The following CLYBL variants were observed in gnomAD, a reference collection of about 807,000 sequenced individuals.
CLYBL encodes citramalyl-CoA lyase, mitochondrial.
Under a neutral mutation model 38.9 loss-of-function variants are expected in CLYBL, and 31 were observed. That is an observed-to-expected ratio of 0.80 (90% confidence interval 0.60 to 1.08). The LOEUF is 1.08. CLYBL is among the 50% of genes least tolerant of loss of function. The pLI is 0.00. For synonymous variants in CLYBL, 171 were observed against 158.6 expected (o/e 1.08, Z -0.59); for missense variants, 434 against 411.6 (o/e 1.05, Z -0.47).
intron 1 of CLYBL, among the ~76,000 whole-genome samples, chr13:99,639,439 C>G (rs557362728): frequency 6.6e-6 from 1 of 152,302 alleles, no homozygotes; most frequent in African/African-American, 2.4e-5. Flanking sequence ...TTGGCCAATT[C>G]CAATCCAAGG....
intron 2 of CLYBL, among the ~76,000 whole-genome samples, chr13:99,845,477 A>C (rs4592516): frequency 0.7 from 106,425 of 152,162 alleles, 37,586 homozygotes; most frequent in East Asian, 0.94. Flanking sequence ...CCAGTGAAGG[A>C]ATGAAGCTGC....
chr13:99,900,669 C>G (rs75378588), downstream of CLYBL, among the ~76,000 whole-genome samples: 400 of 152,320 alleles, frequency 2.6e-3, 2 homozygotes, highest in Middle Eastern at 6.8e-3. Context: ...CAAATTCTCT[C>G]CACTAAACCA....
chr13:99,698,470 G>A (rs921640419), intron 1 of CLYBL, among the ~76,000 whole-genome samples: 5 of 152,086 alleles, frequency 3.3e-5, no homozygotes, highest in African/African-American at 7.2e-5. Context: ...ATGCAAAGTC[G>A]TAGGTTAAAT....
At chr13:99,905,087 G>A (rs1043262225) in intron 8 of CLYBL, among the ~76,000 whole-genome samples, 3 of 152,076 alleles carry the variant, frequency 2.0e-5, no homozygotes, top group African/African-American at 7.2e-5. Flanking sequence ...GCTTCACACT[G>A]GAGGGTCTGG....
intron 1 of CLYBL, among the ~76,000 whole-genome samples, chr13:99,743,810 T>G (rs533381803): frequency 6.6e-6 from 1 of 152,314 alleles, no homozygotes; most frequent in African/African-American, 2.4e-5. Flanking sequence ...TGTAATAAAT[T>G]GTAATTACAA....
At chr13:99,698,335 G>GT (rs5806133) in intron 1 of CLYBL, among the ~76,000 whole-genome samples, 25 of 148,512 alleles carry the variant, frequency 1.7e-4, no homozygotes, top group Admixed American at 2.7e-4. Flanking sequence ...CCTGGCTGCT[G>GT]TTTTTTTTTT....
At chr13:99,606,931 C>T (rs1406587929) in intron 1 of CLYBL, among the ~76,000 whole-genome samples, 174 bp downstream of exon 1, 2 of 152,216 alleles carry the variant, frequency 1.3e-5, no homozygotes, top group Non-Finnish European at 1.5e-5. Context: ...TCGCTGCCGC[C>T]CGCGCCTCCC....
rs114475675 is a variant in CLYBL, at chr13:99,779,153, T to C, written c.249+6143T>C. Among the ~76,000 whole-genome samples, 414 of 152,186 alleles carry C rather than the reference T, an allele frequency of 2.7e-3. 4 individuals carry two copies. The highest frequency in any genetic ancestry group is 9.6e-3 in the African/African-American group (399 of 41,524). On this transcript the variant is annotated intron_variant, in intron 2 of 8. Coordinates refer to ENST00000339105, the MANE Select transcript of CLYBL (RefSeq NM_206808.5). Reference sequence around the variant, plus strand: ...TTCTGAGTGGGGTTTTTTGTTTTTGTTTTTTTGAGAAGGAGTCTCGCTGTT... The same window carrying C: ...TTCTGAGTGGGGTTTTTTGTTTTTGCTTTTTTGAGAAGGAGTCTCGCTGTT...
At chr13:99,675,548 C>A (rs1388573213) in intron 1 of CLYBL, among the ~76,000 whole-genome samples, 2 of 152,194 alleles carry the variant, frequency 1.3e-5, no homozygotes, top group Non-Finnish European at 2.9e-5. Context: ...ACCCTCAGTC[C>A]TAGGCAACCA....
rs564081456 is a variant in CLYBL at position 99,670,021 on chromosome 13, C to T, written c.62+63264C>T. ...CAGCCTGGCCAACATAGTGAAACCC[C>T]GTCTCTATTAAAAAAAAAAAAATGA... is the stretch of plus-strand genomic sequence containing the variant. On this transcript the variant is annotated intron_variant, in intron 1 of 8. Transcript: ENST00000339105. 3.0e-4 allele frequency among the ~76,000 whole-genome samples: 37 copies of T among 122,562 alleles called. 1 individual carries two copies. The South Asian group carries it at 7.9e-3, about 26-fold the overall frequency. The allele number at this position is 122,562 out of a possible 152,430, so 80.4% of individuals were successfully genotyped here.
chr13:99,907,062 A>T (rs1341777873), intron 9 of CLYBL, among the ~76,000 whole-genome samples: 1 of 152,176 alleles, frequency 6.6e-6, no homozygotes, highest in African/African-American at 2.4e-5. Flanking sequence ...GTCAATCGGG[A>T]GACATTTACT....
intron 1 of CLYBL, among the ~76,000 whole-genome samples, chr13:99,618,386 C>T (rs1423628881): frequency 2.0e-5 from 3 of 152,052 alleles, no homozygotes; most frequent in Non-Finnish European, 2.9e-5. Flanking sequence ...TCTCCTGCCT[C>T]TGCCTCCGAG....
intron 2 of CLYBL, among the ~76,000 whole-genome samples, chr13:99,803,634 A>G (rs754003): frequency 0.21 from 31,638 of 152,214 alleles, 4,485 homozygotes; most frequent in East Asian, 0.46. Flanking sequence ...TGTGTGGAAC[A>G]AAGAAAATAT....
chr13:99,821,764 G>C (rs1186038771), intron 2 of CLYBL, among the ~76,000 whole-genome samples: 1 of 152,188 alleles, frequency 6.6e-6, no homozygotes, highest in African/African-American at 2.4e-5. Flanking sequence ...GAACAACATA[G>C]CACATCCATT....
Position 99,644,510 on chromosome 13 carries a change from A to G in CLYBL, c.62+37753A>G, listed in dbSNP as rs572421145. On this transcript the variant is annotated intron_variant, in intron 1 of 8. Coordinates refer to ENST00000339105, the MANE Select transcript of CLYBL (RefSeq NM_206808.5). ...GCATTTGTCATTTCTTTGTGTTTCAAACATTCCAGTTATACTCTTGTAGTT... is the reference window on the plus strand; with the variant it reads ...GCATTTGTCATTTCTTTGTGTTTCAGACATTCCAGTTATACTCTTGTAGTT... Among the ~76,000 whole-genome samples the G allele has an allele frequency of 5.9e-5, 9 of 152,314 alleles. No homozygotes were observed. In the South Asian group the frequency reaches 8.3e-4, roughly 14 times the overall value.
chr13:99,906,019 C>A (rs1381211629), intron 9 of CLYBL, among the ~76,000 whole-genome samples: 2 of 152,180 alleles, frequency 1.3e-5, no homozygotes, highest in African/African-American at 4.8e-5. Context: ...AGTGATCCAC[C>A]TGCCTCAGCC....
intron 7 of CLYBL, among the ~76,000 whole-genome samples, chr13:99,880,209 A>C (rs944493579): frequency 1.2e-4 from 18 of 151,732 alleles, no homozygotes; most frequent in African/African-American, 4.1e-4. Context: ...CTGGGATTAC[A>C]GGCGCATGCC....
chr13:99,873,843 T>C (rs1298643865), intron 7 of CLYBL, among the ~76,000 whole-genome samples: 2 of 152,216 alleles, frequency 1.3e-5, no homozygotes, highest in Admixed American at 6.5e-5. Context: ...AGATAAATTA[T>C]TGGAGTTCAG....
At chr13:99,699,794 C>T (rs1045305847) in intron 1 of CLYBL, among the ~76,000 whole-genome samples, 5 of 151,338 alleles carry the variant, frequency 3.3e-5, no homozygotes, top group Non-Finnish European at 7.4e-5. Context: ...GAGTTCGAGA[C>T]CATCCTGGCT....
Sources: gnomAD v4.1 joint callset for allele counts (sites outside exome capture counted in the v4.1 genomes callset) on GRCh38, gnomAD v4.1.1 for gene constraint, MANE v1.5 for transcripts, NCBI Gene and HGNC (gene_info 2026-07-23, HGNC 2026-07-21) for gene names.